PDE11A: variants seen among roughly 807,000 people sequenced by gnomAD.
The protein encoded by PDE11A is dual 3',5'-cyclic-AMP and -GMP phosphodiesterase 11A.
PDE11A carries 100 observed loss-of-function variants against 100.5 expected under a neutral mutation model. The ratio of observed to expected loss-of-function variants is 1.00; its 90% CI spans 0.85 to 1.18. The LOEUF (loss-of-function observed/expected upper bound fraction) is 1.18, where lower values mean the gene tolerates loss of function less well. Ranked by LOEUF, PDE11A falls within the 50% of genes most tolerant of loss-of-function variation. The probability of loss-of-function intolerance (pLI) is 0.00; values close to 1 mark genes in which losing one functional copy is unlikely to be tolerated. For missense variants in PDE11A, 1,141 were observed against 1,152.6 expected (o/e 0.99, Z 0.15); for synonymous variants, 381 against 420.8 (o/e 0.91, Z 1.16).
rs1432565941 is a variant in PDE11A, at chr2:177,628,493, C to T, written c.*914G>A. 6.6e-6 allele frequency: 1 copy of T among 152,578 alleles called. No individual in the cohort carries two copies. Among genetic ancestry groups the T allele is most frequent in the Non-Finnish European group, 1.5e-5 (1 of 68,034 alleles). 9.5% of individuals were successfully genotyped at this position (152,578 alleles called of 1,614,324 possible). The stretch of plus-strand genomic sequence containing the variant: ...CAAAATTAGGGACCCCTATAGTTTG[C>T]TTTAAGTTGGTTACTGGTAGTAATC... On this transcript the variant is annotated 3_prime_UTR_variant, in exon 20 of 20. Transcript: ENST00000286063.
rs1334037462 is a variant in PDE11A at position 177,624,780 on chromosome 2, G to C, written c.*4627C>G. 6.6e-6 allele frequency: 1 copy of C among 152,178 alleles called. No individual in the cohort carries two copies. Among genetic ancestry groups the C allele is most frequent in the Non-Finnish European group, 1.5e-5 (1 of 68,030 alleles). 9.4% of individuals were successfully genotyped at this position (152,178 alleles called of 1,614,324 possible). A position where few individuals can be genotyped will look rare whatever the true frequency, so the allele number is the denominator to read the frequency against. ...AAAATTGTTTTTTATGAAATAAAAG[G>C]ACATATAAGGTGGGTGTGGTGGTTC... On this transcript the variant is annotated 3_prime_UTR_variant, in exon 20 of 20. Coordinates refer to ENST00000286063, the MANE Select transcript of PDE11A (RefSeq NM_016953.4).
At chr2:177,960,706 C>G (rs955958866) in intron 2 of PDE11A, among the ~76,000 whole-genome samples, 3 of 152,096 alleles carry the variant, frequency 2.0e-5, no homozygotes, top group African/African-American at 7.2e-5. Flanking sequence ...TAATATAACA[C>G]ATTAATCACA....
intron 1 of PDE11A, among the ~76,000 whole-genome samples, chr2:178,107,745 G>A (rs1402519737): frequency 2.9e-5 from 4 of 135,856 alleles, no homozygotes; most frequent in East Asian, 2.1e-4. Context: ...TTTTTGAGAC[G>A]GAGTCTCACT....
At chr2:177,825,785 A>G (rs2083218425) in intron 6 of PDE11A, among the ~76,000 whole-genome samples, 1 of 152,170 alleles carries the variant, frequency 6.6e-6, no homozygotes, top group South Asian at 2.1e-4. Context: ...AGTCACCCAA[A>G]GTTTCAATGC....
chr2:177,907,567 C>T (rs554708377), intron 2 of PDE11A, among the ~76,000 whole-genome samples: 79 of 152,178 alleles, frequency 5.2e-4, no homozygotes, highest in Non-Finnish European at 9.4e-4. Flanking sequence ...AAGAACTTAC[C>T]CAAAGTTCTT....
intron 15 of PDE11A, among the ~76,000 whole-genome samples, chr2:177,695,817 CT>C (rs1302757466): frequency 6.6e-6 from 1 of 152,144 alleles, no homozygotes; most frequent in Admixed American, 6.5e-5. Context: ...TTGAACATCC[CT>C]TACAATTGAA....
chr2:177,873,576 T>G (rs1395680289), intron 5 of PDE11A, among the ~76,000 whole-genome samples: 1 of 152,168 alleles, frequency 6.6e-6, no homozygotes, highest in Admixed American at 6.5e-5. Context: ...TTTAGGTAAA[T>G]TTCTCCAAGT....
intron 9 of PDE11A, among the ~76,000 whole-genome samples, chr2:177,773,517 T>G (rs561101656): frequency 6.6e-6 from 1 of 152,338 alleles, no homozygotes; most frequent in Non-Finnish European, 1.5e-5. Context: ...GGGCCACATC[T>G]TAGACCTAAA....
At chr2:178,086,792 G>A (rs2087362772) in intron 2 of PDE11A, among the ~76,000 whole-genome samples, 1 of 152,154 alleles carries the variant, frequency 6.6e-6, no homozygotes, top group South Asian at 2.1e-4. Flanking sequence ...ATAAAAGTAG[G>A]AAAATCAGAT....
intron 4 of PDE11A, among the ~76,000 whole-genome samples, chr2:177,880,153 G>A (rs1271934215): frequency 6.6e-6 from 1 of 152,188 alleles, no homozygotes; most frequent in East Asian, 1.9e-4. Flanking sequence ...AGAGAGGTCT[G>A]GCCTTTGTCC....
intron 2 of PDE11A, among the ~76,000 whole-genome samples, chr2:178,081,009 A>AT (rs2105878649): frequency 6.6e-6 from 1 of 152,282 alleles, no homozygotes; most frequent in South Asian, 2.1e-4. Context: ...ATATATCAAA[A>AT]TTAAAGGTAG....
intron 2 of PDE11A, among the ~76,000 whole-genome samples, chr2:177,910,710 G>A (rs915076282): frequency 6.6e-6 from 1 of 152,126 alleles, no homozygotes; most frequent in African/African-American, 2.4e-5. Context: ...TCATTAAACA[G>A]TGTAAAAAAG....
At chr2:177,773,335 C>T (rs1045512248) in intron 9 of PDE11A, among the ~76,000 whole-genome samples, 1 of 152,170 alleles carries the variant, frequency 6.6e-6, no homozygotes, top group African/African-American at 2.4e-5. Flanking sequence ...TTTTTTACTG[C>T]CCCCGAGTTG....
At position 178,071,978 on chromosome 2, in the gene PDE11A, G is replaced by C. The variant is rs772799612; in HGVS notation, c.460C>G (p.Arg154Gly). 11 of 1,613,952 alleles carry C rather than the reference G, an allele frequency of 6.8e-6. No homozygotes were observed. The Admixed American group carries it at 1.7e-4, about 24-fold the overall frequency. The change falls in exon 1 of 20, where the codon CGG becomes GGG. Residue 154 changes from arginine to glycine, a missense_variant. Arg to Gly is a moderately radical substitution (Grantham distance 125). Transcript: ENST00000286063. ...CTTGCCTTCCGGAGAAGTGCCCTCC[G>C]TCGTACACTACTCAGGGGTTCCTGA... ...RAQEPLSSVR[R>G]RALLRKASSL... is the part of the protein sequence containing the mutation.
At chr2:177,655,142 C>G (rs757303771) in intron 19 of PDE11A, among the ~76,000 whole-genome samples, 1 of 152,020 alleles carries the variant, frequency 6.6e-6, no homozygotes, top group African/African-American at 2.4e-5. Flanking sequence ...TGGGTATATC[C>G]TATTTTTTTC....
intron 2 of PDE11A, among the ~76,000 whole-genome samples, chr2:177,977,749 C>T (rs1203140810): frequency 2.3e-3 from 319 of 139,026 alleles, no homozygotes; most frequent in South Asian, 3.7e-3. Context: ...AGATATAGAT[C>T]AATGGAACAG....
intron 1 of PDE11A, among the ~76,000 whole-genome samples, chr2:178,036,396 T>A (rs942080795): frequency 2.0e-5 from 3 of 152,048 alleles, no homozygotes; most frequent in African/African-American, 7.2e-5. Flanking sequence ...TGGAAAAAAA[T>A]TCCATGCTCA....
chr2:178,043,538 T>A (rs2086708791), intron 1 of PDE11A, among the ~76,000 whole-genome samples: 1 of 152,168 alleles, frequency 6.6e-6, no homozygotes, highest in African/African-American at 2.4e-5. Context: ...CAGCACCACA[T>A]ATGGTGAGCT....
At chr2:177,999,901 A>C (rs2086123075) in intron 2 of PDE11A, among the ~76,000 whole-genome samples, 1 of 152,132 alleles carries the variant, frequency 6.6e-6, no homozygotes, top group Admixed American at 6.5e-5. Flanking sequence ...ATTTTTCAAA[A>C]CCACTCATTA....
Sources: gnomAD v4.1 joint callset for allele counts (sites outside exome capture counted in the v4.1 genomes callset) on GRCh38, gnomAD v4.1.1 for gene constraint, MANE v1.5 for transcripts, NCBI Gene and HGNC (gene_info 2026-07-23, HGNC 2026-07-21) for gene names.